Variants in IQCK observed in about 807,000 individuals in gnomAD.
IQCK encodes IQ domain-containing protein K.
IQCK carries 29 observed loss-of-function variants against 28.1 expected under a neutral mutation model. That is an observed-to-expected ratio of 1.03 (90% confidence interval 0.77 to 1.41). The LOEUF is 1.41. Among genes scored for constraint, IQCK ranks in the 40% most tolerant of loss-of-function variants. The pLI is 0.00. For missense variants in IQCK, 359 were observed against 314.7 expected (o/e 1.14, Z -1.07); for synonymous variants, 113 against 115.1 (o/e 0.98, Z 0.12).
chr16:19,842,065 C>T lies in IQCK; in HGVS notation c.803-14422C>T, dbSNP rs530590635. ...TTCACCATGTTGGCCAGGCTGGTCT[C>T]GAACTCCTGACCTCAGGTGATCTGC... On this transcript the variant is annotated intron_variant, in intron 9 of 9. Transcript: ENST00000320394. Among the ~76,000 whole-genome samples the T allele has an allele frequency of 1.1e-4, 17 of 152,136 alleles. No individual in the cohort carries two copies. The East Asian group carries it at 2.3e-3, about 21-fold the overall frequency.
At chr16:19,745,487 G>A (rs1337024540) in intron 4 of IQCK, among the ~76,000 whole-genome samples, 3 of 152,138 alleles carry the variant, frequency 2.0e-5, no homozygotes, top group Admixed American at 1.3e-4. Flanking sequence ...AGTAAACAAA[G>A]TGGGTTTTAT....
intron 4 of IQCK, among the ~76,000 whole-genome samples, chr16:19,753,554 C>G (rs571113660): frequency 6.6e-6 from 1 of 152,234 alleles, no homozygotes; most frequent in South Asian, 2.1e-4. Flanking sequence ...AGATGGATTC[C>G]TGAAAGGAAC....
chr16:19,755,702 A>G (rs2055042758), intron 4 of IQCK, among the ~76,000 whole-genome samples: 1 of 152,226 alleles, frequency 6.6e-6, no homozygotes, highest in Admixed American at 6.5e-5. Flanking sequence ...CTCTGCCACC[A>G]GCCAGAGAGA....
chr16:19,840,521 A>G (rs1302977950), intron 9 of IQCK, among the ~76,000 whole-genome samples: 4 of 151,980 alleles, frequency 2.6e-5, no homozygotes, highest in African/African-American at 7.3e-5. Flanking sequence ...TTCTTTTTCG[A>G]TTATCCATAA....
chr16:19,762,593 G>A (rs192027422), intron 4 of IQCK, among the ~76,000 whole-genome samples: 5 of 152,234 alleles, frequency 3.3e-5, no homozygotes, highest in South Asian at 4.1e-4. Flanking sequence ...GGATTCACGC[G>A]TATTTCATCT....
intron 9 of IQCK, among the ~76,000 whole-genome samples, chr16:19,839,376 G>C (rs1028831488): frequency 3.9e-5 from 6 of 151,974 alleles, no homozygotes; most frequent in African/African-American, 1.4e-4. Context: ...GGCCAGGCTG[G>C]TCTCGAACTC....
At chr16:19,740,982 A>G (rs1387663520) in intron 4 of IQCK, among the ~76,000 whole-genome samples, 2 of 149,472 alleles carry the variant, frequency 1.3e-5, no homozygotes, top group Admixed American at 1.3e-4. Context: ...AAAAAAAAAA[A>G]AGAATATCTA....
chr16:19,810,983 G>A (rs1371242211), intron 7 of IQCK, among the ~76,000 whole-genome samples: 1 of 152,034 alleles, frequency 6.6e-6, no homozygotes, highest in Non-Finnish European at 1.5e-5. Context: ...AGAGATCAAG[G>A]CATTGAAGGC....
At chr16:19,767,313 C>T (rs1341118304) in intron 6 of IQCK, among the ~76,000 whole-genome samples, 6 of 152,210 alleles carry the variant, frequency 3.9e-5, no homozygotes, top group African/African-American at 1.2e-4. Flanking sequence ...ATCCCAGGTT[C>T]TTGCCTTTGT....
At chr16:19,726,566 T>A (rs1475624257) in intron 1 of IQCK, among the ~76,000 whole-genome samples, 1 of 152,180 alleles carries the variant, frequency 6.6e-6, no homozygotes, top group African/African-American at 2.4e-5. Flanking sequence ...ACAACCTAAA[T>A]GCCCATGAAG....
Position 19,744,615 on chromosome 16 carries a change from C to T in IQCK, c.474+9165C>T, listed in dbSNP as rs192456841. The stretch of plus-strand genomic sequence containing the variant: ...ATCAAGACCTCCACATTTCATGATA[C>T]GAATTTAACAAGTGAAATAGATTTA... On this transcript the variant is annotated intron_variant, in intron 4 of 7. Transcript: ENST00000564186. Among the ~76,000 whole-genome samples the T allele has an allele frequency of 3.0e-4, 45 of 152,260 alleles. 1 individual carries two copies. In the East Asian group the frequency reaches 8.5e-3, roughly 29 times the overall value.
intron 6 of IQCK, among the ~76,000 whole-genome samples, chr16:19,784,214 T>A (rs1440996667): frequency 6.7e-6 from 1 of 148,848 alleles, no homozygotes; most frequent in Non-Finnish European, 1.5e-5. Context: ...CCTGCCCCCA[T>A]TTTTTTTTTC....
chr16:19,822,737 C>G (rs2056092041), intron 7 of IQCK, among the ~76,000 whole-genome samples: 1 of 152,026 alleles, frequency 6.6e-6, no homozygotes, highest in African/African-American at 2.4e-5. Flanking sequence ...TCCTTTTGGC[C>G]TGATGAAAAT....
intron 9 of IQCK, among the ~76,000 whole-genome samples, chr16:19,838,239 G>A (rs991277970): frequency 2.6e-5 from 4 of 152,178 alleles, no homozygotes; most frequent in African/African-American, 9.7e-5. Flanking sequence ...CCACTACTGG[G>A]CTTTTGTTGG....
At chr16:19,829,231 T>C (rs1479793689), downstream of IQCK, among the ~76,000 whole-genome samples, 3 of 151,806 alleles carry the variant, frequency 2.0e-5, no homozygotes, top group Non-Finnish European at 2.9e-5. Flanking sequence ...CTCCCCATCC[T>C]ACCCTGTCCC....
At chr16:19,829,052 GA>G (rs201969056), downstream of IQCK, among the ~76,000 whole-genome samples, 33,865 of 146,120 alleles carry the variant, frequency 0.23, 4,115 homozygotes, top group Admixed American at 0.28. Context: ...AAACAGTCTG[GA>G]AAGAAAATTA....
rs1447035113 is a variant in IQCK, at chr16:19,718,562, T to G, written c.181+75T>G. On this transcript the variant is annotated intron_variant, in intron 1 of 7. Coordinates refer to ENST00000564186, the Ensembl canonical transcript of IQCK. The stretch of plus-strand genomic sequence containing the variant: ...GGGGCCGCGTTTGGGGAGCGCCCAC[T>G]GTGCGCCTGTCGGCTGACGGGCGGG... 9 of 1,341,572 alleles carry G rather than the reference T, an allele frequency of 6.7e-6. No homozygotes were observed. The East Asian group carries it at 2.0e-4, about 31-fold the overall frequency. 83.1% of individuals were successfully genotyped at this position (1,341,572 alleles called of 1,614,324 possible).
chr16:19,765,369 C>A (rs1176413577), intron 6 of IQCK, among the ~76,000 whole-genome samples: 1 of 151,900 alleles, frequency 6.6e-6, no homozygotes, highest in Admixed American at 6.6e-5. Flanking sequence ...AAAACCCCGT[C>A]TCTACTAAAA....
intron 3 of IQCK, 124 bp from the exon 4 acceptor site, chr16:19,735,229 A>G: frequency 2.9e-6 from 2 of 683,462 alleles, no homozygotes; most frequent in Admixed American, 2.5e-5. Context: ...GGAGCAAAAT[A>G]TAACATCTAA....
Sources: allele counts gnomAD v4.1 joint callset (sites outside exome capture counted in the v4.1 genomes callset), GRCh38; gene constraint gnomAD v4.1.1; transcripts MANE v1.5; gene names NCBI Gene and HGNC (gene_info 2026-07-23, HGNC 2026-07-21).